Variants in TBCA observed in about 807,000 individuals in gnomAD.
TBCA encodes the protein tubulin-specific chaperone A.
In TBCA, 6 loss-of-function variants were observed where a neutral mutation model predicts 15.8. The ratio of observed to expected loss-of-function variants is 0.38; its 90% CI spans 0.21 to 0.75. TBCA has a LOEUF of 0.75. Ranked by LOEUF, TBCA falls within the 30% of genes least tolerant of loss-of-function variation. The pLI, the probability that TBCA is intolerant of heterozygous loss-of-function variation, is 0.46. For synonymous variants in TBCA, 32 were observed against 42.3 expected, an observed-to-expected ratio of 0.76 and a Z score of 0.94; for missense variants, 90 against 131.2, an observed-to-expected ratio of 0.69 and a Z score of 1.53.
At chr5:77,726,697 TATTCACTC>T (rs1345822734) in intron 1 of TBCA, among the ~76,000 whole-genome samples, 1 of 151,944 alleles carries the variant, frequency 6.6e-6, no homozygotes, top group East Asian at 1.9e-4. Flanking sequence ...GAGAGTAAAA[TATTCACTC>T]ATTCACTAAA....
intron 1 of TBCA, among the ~76,000 whole-genome samples, chr5:77,747,942 C>A (rs1169096910): frequency 1.3e-5 from 2 of 152,098 alleles, no homozygotes; most frequent in African/African-American, 4.8e-5. Flanking sequence ...TCAACATAGT[C>A]TCCAAAATTT....
intron 1 of TBCA, among the ~76,000 whole-genome samples, chr5:77,732,859 CTTGCTCTCTTCAG>C (rs1746806016): frequency 6.6e-6 from 1 of 152,198 alleles, no homozygotes; most frequent in South Asian, 2.1e-4. Context: ...TCTCATTTCT[CTTGCTCTCTTCAG>C]GCCTCTCTAC....
At chr5:77,747,086 T>G (rs1747203467) in intron 1 of TBCA, among the ~76,000 whole-genome samples, 1 of 152,146 alleles carries the variant, frequency 6.6e-6, no homozygotes, top group South Asian at 2.1e-4. Context: ...AAAGTTTACT[T>G]ACATTTTTAA....
chr5:77,758,935 T>C (rs1561283010), intron 1 of TBCA, among the ~76,000 whole-genome samples: 1 of 152,240 alleles, frequency 6.6e-6, no homozygotes, highest in Admixed American at 6.5e-5. Context: ...ATTATCACTT[T>C]AGTGTGACAA....
chr5:77,701,864 G>C (rs1304092565), intron 2 of TBCA, among the ~76,000 whole-genome samples: 3 of 151,564 alleles, frequency 2.0e-5, no homozygotes, highest in Non-Finnish European at 4.4e-5. Context: ...GCCATAAAAA[G>C]GAATGAGTTA....
At chr5:77,766,516 T>A (rs112772156) in intron 1 of TBCA, among the ~76,000 whole-genome samples, 2,274 of 31,588 alleles carry the variant, frequency 0.072, 716 homozygotes, top group African/African-American at 0.15. Context: ...TTATTTATTT[T>A]TTTTTTTTTT....
chr5:77,715,087 T>C, intron 1 of TBCA: 1 of 589,292 alleles, frequency 1.7e-6, no homozygotes, highest in African/African-American at 1.9e-5. Flanking sequence ...AATAGGATTG[T>C]CTCTTTGAGA....
intron 1 of TBCA, among the ~76,000 whole-genome samples, chr5:77,720,654 C>A (rs541093409): frequency 6.6e-6 from 1 of 152,126 alleles, no homozygotes; most frequent in Non-Finnish European, 1.5e-5. Flanking sequence ...GCTGAGGTTG[C>A]AGTGAGCTGA....
At chr5:77,770,926 A>T (rs577698539) in intron 1 of TBCA, among the ~76,000 whole-genome samples, 1 of 152,228 alleles carries the variant, frequency 6.6e-6, no homozygotes, top group African/African-American at 2.4e-5. Context: ...ACCTGAGGTC[A>T]GGAGTTCAAG....
At chr5:77,743,508 C>T (rs1387618239) in intron 1 of TBCA, among the ~76,000 whole-genome samples, 1 of 152,190 alleles carries the variant, frequency 6.6e-6, no homozygotes, top group Non-Finnish European at 1.5e-5. Flanking sequence ...CAAGAAGCAA[C>T]CTAGACTTCC....
At chr5:77,771,405 T>C (rs1351717397) in intron 1 of TBCA, among the ~76,000 whole-genome samples, 1 of 152,230 alleles carries the variant, frequency 6.6e-6, no homozygotes, top group African/African-American at 2.4e-5. Context: ...TCCTAGTATC[T>C]AGACTCTTTC....
chr5:77,706,733 G>C lies in TBCA; in HGVS notation c.159+1509C>G, dbSNP rs761510251. Among the ~76,000 whole-genome samples, 7 of 148,714 alleles carry C rather than the reference G, an allele frequency of 4.7e-5. 1 individual carries two copies. The highest frequency in any genetic ancestry group is 1.0e-4 in the Non-Finnish European group (7 of 67,570). On this transcript the variant is annotated intron_variant, in intron 2 of 3. Coordinates refer to ENST00000380377, the MANE Select transcript of TBCA (RefSeq NM_004607.3). ...AGGCTGAGGCAGGAAAATCAGCTGA[G>C]CCAGGAGGCAAAGGTTGCAGTGAGC...
At chr5:77,761,008 G>C (rs1408147136) in intron 1 of TBCA, among the ~76,000 whole-genome samples, 1 of 150,642 alleles carries the variant, frequency 6.6e-6, no homozygotes, top group Non-Finnish European at 1.5e-5. Flanking sequence ...ACCCCGTCTG[G>C]GAAGTGAGGA....
intron 1 of TBCA, among the ~76,000 whole-genome samples, chr5:77,755,960 C>T (rs1423895992): frequency 6.6e-6 from 1 of 152,134 alleles, no homozygotes; most frequent in Non-Finnish European, 1.5e-5. Flanking sequence ...GCAGTGATGG[C>T]ACCATTTGCA....
intron 2 of TBCA, among the ~76,000 whole-genome samples, chr5:77,703,287 A>G (rs1015536433): frequency 7.8e-6 from 1 of 128,630 alleles, no homozygotes; most frequent in African/African-American, 2.8e-5. Flanking sequence ...AATGACAGAG[A>G]TATGTCTGAC....
intron 1 of TBCA, among the ~76,000 whole-genome samples, chr5:77,755,944 C>G (rs1580131051): frequency 2.0e-5 from 3 of 152,118 alleles, no homozygotes; most frequent in Admixed American, 2.0e-4. Flanking sequence ...GCGGAGGTTG[C>G]GGTGAGCAGT....
At chr5:77,745,428 C>G (rs1747163897) in intron 1 of TBCA, among the ~76,000 whole-genome samples, 1 of 152,132 alleles carries the variant, frequency 6.6e-6, no homozygotes, top group African/African-American at 2.4e-5. Flanking sequence ...AAATTAGTCA[C>G]AACTTTAGTT....
intron 1 of TBCA, among the ~76,000 whole-genome samples, chr5:77,761,761 C>G (rs1747647885): frequency 6.7e-6 from 1 of 150,120 alleles, no homozygotes; most frequent in African/African-American, 2.5e-5. Context: ...GCTGGCTGAT[C>G]CAGCCGTCCA....
chr5:77,762,921 T>C (rs1323867714), intron 1 of TBCA, among the ~76,000 whole-genome samples: 1 of 152,218 alleles, frequency 6.6e-6, no homozygotes, highest in Non-Finnish European at 1.5e-5. Flanking sequence ...CTTTTTTTCT[T>C]TTGCTATTTA....
Sources: gnomAD v4.1 joint callset for allele counts (sites outside exome capture counted in the v4.1 genomes callset) on GRCh38, gnomAD v4.1.1 for gene constraint, MANE v1.5 for transcripts, NCBI Gene and HGNC (gene_info 2026-07-23, HGNC 2026-07-21) for gene names.